The following NRDC variants were observed in gnomAD, a reference collection of about 807,000 sequenced individuals.
NRDC encodes nardilysin convertase.
NRDC carries 54 observed loss-of-function variants against 147.1 expected under a neutral mutation model. The ratio of observed to expected loss-of-function variants is 0.37; its 90% CI spans 0.29 to 0.46. The LOEUF (loss-of-function observed/expected upper bound fraction) is 0.46, where lower values mean the gene tolerates loss of function less well. Ranked by LOEUF, NRDC falls within the 20% of genes least tolerant of loss-of-function variation. The pLI is 1.00. For missense variants in NRDC, 1,082 were observed against 1,370.6 expected (o/e 0.79, Z 3.33); for synonymous variants, 440 against 482.1 (o/e 0.91, Z 1.14).
chr1:51,803,966 T>C lies in NRDC; in HGVS notation c.2163-2A>G. 1 of 1,573,616 alleles carries C rather than the reference T, an allele frequency of 6.4e-7. No homozygotes were observed. Among genetic ancestry groups the C allele is most frequent in the Non-Finnish European group, 8.6e-7 (1 of 1,159,958 alleles). On this transcript the variant is annotated splice_acceptor_variant, in intron 19 of 30. Transcript: ENST00000352171. LOFTEE classifies it high-confidence loss of function. ...ACAAAGATATCAAAGAGGACCACAC[T>C]AAGAAGTACAAAATGCAAATGGCAT...
At chr1:51,871,839 A>G (rs1683099012) in intron 1 of NRDC, among the ~76,000 whole-genome samples, 2 of 152,028 alleles carry the variant, frequency 1.3e-5, no homozygotes, top group Admixed American at 6.6e-5. Context: ...TTTTACCATC[A>G]TTCAGTTCTT....
Position 51,819,840 on chromosome 1 carries a change from C to T in NRDC, c.1251G>A (p.Thr417=). 6.2e-7 allele frequency: 1 copy of T among 1,607,898 alleles called. No homozygotes were observed. Among genetic ancestry groups the T allele is most frequent in the Non-Finnish European group, 8.5e-7 (1 of 1,176,954 alleles). ...GLPRPNFGHL[T]DPFDTPAFNK... is the part of the protein sequence containing the mutation. The stretch of plus-strand genomic sequence containing the variant: ...TAAATGCTGGTGTGTCAAATGGATC[C>T]GTTAAATGGCCAAAGTTTGGTCTGG... Residue 417 remains threonine (T), a synonymous_variant, in exon 9 of 31, where the codon ACG becomes ACA. Transcript: ENST00000352171.
chr1:51,803,483 A>G (rs903161890), intron 20 of NRDC, among the ~76,000 whole-genome samples: 1 of 152,118 alleles, frequency 6.6e-6, no homozygotes, highest in Non-Finnish European at 1.5e-5. Context: ...TCAAAAAAAA[A>G]AAAAAAAAAG....
rs1402556127 is a variant in NRDC at position 51,857,015 on chromosome 1, T to G, written c.342-16501A>C. ...ACATGAGACCTGACACACCCAACATTGTAACAAAAAGACTTTAACAAGGGC... is the reference window on the plus strand; with the variant it reads ...ACATGAGACCTGACACACCCAACATGGTAACAAAAAGACTTTAACAAGGGC... On this transcript the variant is annotated intron_variant, in intron 1 of 30. Transcript: ENST00000352171. 3.9e-5 allele frequency among the ~76,000 whole-genome samples: 6 copies of G among 152,078 alleles called. No homozygotes were observed. The East Asian group carries it at 1.2e-3, about 29-fold the overall frequency.
chr1:51,796,264 ACT>A (rs1381054115), intron 22 of NRDC, among the ~76,000 whole-genome samples: 1 of 148,554 alleles, frequency 6.7e-6, no homozygotes, highest in Non-Finnish European at 1.5e-5. Flanking sequence ...TTTGAGACAG[ACT>A]CTCACTCTGT....
At chr1:51,834,297 G>A in intron 3 of NRDC, 127 bp from the exon 4 acceptor site, 1 of 988,010 alleles carries the variant, frequency 1.0e-6, no homozygotes. Flanking sequence ...GGTTATGTCT[G>A]AATTCTTTTT....
intron 17 of NRDC, 108 bp from the exon 18 acceptor site, chr1:51,807,021 G>T: frequency 7.4e-7 from 1 of 1,356,950 alleles, no homozygotes; most frequent in Non-Finnish European, 9.9e-7. Context: ...GCAAAAATAA[G>T]CCAAATTCAA....
intron 20 of NRDC, among the ~76,000 whole-genome samples, chr1:51,803,374 C>G (rs6685190): frequency 2.6e-5 from 4 of 151,428 alleles, no homozygotes; most frequent in Non-Finnish European, 5.9e-5. Context: ...ACTCAGCAGG[C>G]TGAGGCATGA....
chr1:51,826,067 C>A (rs1413233877), intron 5 of NRDC, among the ~76,000 whole-genome samples: 3 of 152,182 alleles, frequency 2.0e-5, no homozygotes, highest in Non-Finnish European at 4.4e-5. Context: ...CAGGCTGTCA[C>A]CAGACACCAA....
At position 51,824,200 on chromosome 1, in the gene NRDC, ATGGCAACCTCCACCTCC is replaced by A. The variant is rs1190726243; in HGVS notation, c.1037-431_1037-415del. Among the ~76,000 whole-genome samples, 4 of 147,966 alleles carry A rather than the reference ATGGCAACCTCCACCTCC, an allele frequency of 2.7e-5. No individual in the cohort carries two copies. In the East Asian group the frequency reaches 7.9e-4, roughly 29 times the overall value. On this transcript the variant is annotated intron_variant, in intron 6 of 30. Transcript: ENST00000352171. ...GAGTGCAATAGCACGATCTTAGCTC[ATGGCAACCTCCACCTCC>A]TGGGTTCAAGCGATTCTCCTGCCTC...
intron 7 of NRDC, 114 bp downstream of exon 7, chr1:51,823,550 T>C (rs75468294): frequency 6.5e-6 from 1 of 154,516 alleles, no homozygotes; most frequent in Non-Finnish European, 1.0e-5. Flanking sequence ...CTTTACTTTG[T>C]ATTAAGGTCA....
Position 51,789,350 on chromosome 1 carries a change from C to T in NRDC, c.3342G>A (p.Gln1114=). Residue 1114 remains glutamine, a synonymous_variant, in exon 31 of 31, where the codon CAG becomes CAA. Transcript: ENST00000352171. The stretch of plus-strand genomic sequence containing the variant: ...GAGGAGAGGTTGGCAGGTAGGTCAG[C>T]TGCATCACTTCACAAGAAGAATTTG... ...EDSNSSCEVM[Q]LTYLPTSPLL... The T allele has an allele frequency of 1.2e-6, 2 of 1,614,148 alleles. No homozygotes were observed. Among genetic ancestry groups the T allele is most frequent in the Non-Finnish European group, 1.7e-6 (2 of 1,180,004 alleles).
At chr1:51,808,178 G>A (rs982414464) in intron 17 of NRDC, among the ~76,000 whole-genome samples, 2 of 152,058 alleles carry the variant, frequency 1.3e-5, no homozygotes. Flanking sequence ...CTATTTTAAA[G>A]TGAACAATTC....
At position 51,876,674 on chromosome 1, in the gene NRDC, G is replaced by C. The variant is rs1468168904; in HGVS notation, c.341+1601C>G. On this transcript the variant is annotated intron_variant, in intron 1 of 30. Coordinates refer to ENST00000352171, the MANE Select transcript of NRDC (RefSeq NM_001101662.2). Reference sequence around the variant, plus strand: ...TTTAGCTCATTTATAAAGATCTCTTGACTCTGGCAGCCTGGAGAAAATATA... The same window carrying C: ...TTTAGCTCATTTATAAAGATCTCTTCACTCTGGCAGCCTGGAGAAAATATA... Among the ~76,000 whole-genome samples, 3 of 149,658 alleles carry C rather than the reference G, an allele frequency of 2.0e-5. No homozygotes were observed. In the East Asian group the frequency reaches 5.8e-4, roughly 29 times the overall value.
intron 22 of NRDC, among the ~76,000 whole-genome samples, chr1:51,796,486 T>A (rs933188520): frequency 3.9e-5 from 6 of 152,130 alleles, no homozygotes; most frequent in Non-Finnish European, 7.4e-5. Context: ...GCAATCTGCC[T>A]GCCTCAGCCT....
intron 2 of NRDC, among the ~76,000 whole-genome samples, chr1:51,838,879 T>C (rs1681116600): frequency 1.3e-5 from 2 of 152,130 alleles, no homozygotes; most frequent in Non-Finnish European, 2.9e-5. Flanking sequence ...TATACCTTTT[T>C]TTCCCCCAGT....
In NRDC at chr1:51,800,629, C is replaced by T; in HGVS notation, c.2368G>A (p.Val790Ile). The T allele has an allele frequency of 6.2e-7, 1 of 1,613,904 alleles. No individual in the cohort carries two copies. Among genetic ancestry groups the T allele is most frequent in the South Asian group, 1.1e-5 (1 of 91,062 alleles). Residue 790 changes from valine to isoleucine, a missense_variant, in exon 21 of 31, where the codon GTC becomes ATC. Val to Ile is a conservative substitution (Grantham distance 29, BLOSUM62 3). Around this residue, in one of 3 missense-constraint regions of NRDC, gnomAD observed 635 missense variants for 923.8 expected, o/e 0.69. Coordinates refer to ENST00000352171, the MANE Select transcript of NRDC (RefSeq NM_001101662.2). Reference sequence around the variant, plus strand: ...AACTGCTCAGTTATCATTGTAAAGACAGCTGGTGTGGAATTGAACTCAGCT... The same window carrying T: ...AACTGCTCAGTTATCATTGTAAAGATAGCTGGTGTGGAATTGAACTCAGCT... ...YLAEFNSTPAVFTMITEQLKK... is the reference protein window; with the variant it reads ...YLAEFNSTPAIFTMITEQLKK...
At chr1:51,799,935 A>C (rs896992855) in intron 21 of NRDC, among the ~76,000 whole-genome samples, 1 of 152,202 alleles carries the variant, frequency 6.6e-6, no homozygotes, top group Non-Finnish European at 1.5e-5. Flanking sequence ...CTAATCACCA[A>C]CATACTAAAA....
chr1:51,790,636 A>G lies in NRDC; in HGVS notation c.3065T>C (p.Ile1022Thr). 1 of 1,612,210 alleles carries G rather than the reference A, an allele frequency of 6.2e-7. No individual in the cohort carries two copies. Among genetic ancestry groups the G allele is most frequent in the Non-Finnish European group, 8.5e-7 (1 of 1,178,276 alleles). The change falls in exon 29 of 31, where the codon ATC becomes ACC. Residue 1022 changes from isoleucine (I) to threonine (T), a missense_variant. Physicochemically the swap from Ile to Thr is moderately conservative, Grantham distance 89. Coordinates refer to ENST00000352171, the MANE Select transcript of NRDC (RefSeq NM_001101662.2). ...GGTATCCTCACACTCCTTCAGCTTG[A>G]TGAGAGCTGTGACCTGTTCCCACCA... Reference protein sequence around the residue: ...EAFNTQVTALIKLKECEDTHL... With the variant: ...EAFNTQVTALTKLKECEDTHL...
Sources: gnomAD v4.1 joint callset for allele counts (sites outside exome capture counted in the v4.1 genomes callset) on GRCh38, gnomAD v4.1.1 for gene constraint, gnomAD v4.1.1 regional missense constraint, MANE v1.5 for transcripts, NCBI Gene and HGNC (gene_info 2026-07-23, HGNC 2026-07-21) for gene names.